SLC2A9: variants seen among roughly 807,000 people sequenced by gnomAD.
SLC2A9 encodes the protein solute carrier family 2 member 9.
SLC2A9 carries 39 observed loss-of-function variants against 50.6 expected under a neutral mutation model. That is an observed-to-expected ratio of 0.77 (90% CI 0.60 to 1.01). The LOEUF (loss-of-function observed/expected upper bound fraction) is 1.01, where lower values mean the gene tolerates loss of function less well. Ranked by LOEUF, SLC2A9 falls within the 50% of genes least tolerant of loss-of-function variation. The pLI is 0.00. For missense variants in SLC2A9, 686 were observed against 677.6 expected (o/e 1.01, Z -0.14); for synonymous variants, 324 against 276.9 (o/e 1.17, Z -1.69).
At chr4:10,022,939 A>C (rs115238706), upstream of SLC2A9, among the ~76,000 whole-genome samples, 562 of 152,332 alleles carry the variant, frequency 3.7e-3, 6 homozygotes, top group African/African-American at 0.012. Context: ...TGTGTTAATC[A>C]GTCAGGCATG....
downstream of SLC2A9, among the ~76,000 whole-genome samples, chr4:9,776,869 G>A (rs193207900): frequency 6.6e-6 from 1 of 152,206 alleles, no homozygotes; most frequent in Admixed American, 6.5e-5. Context: ...ATGGCAACAG[G>A]GCTCACCTCC....
intron 5 of SLC2A9, among the ~76,000 whole-genome samples, chr4:9,952,451 C>T (rs1273473638): frequency 6.6e-6 from 1 of 152,070 alleles, no homozygotes; most frequent in African/African-American, 2.4e-5. Context: ...GAGCAGGTGC[C>T]AGTGCCATGC....
At chr4:9,858,745 G>C (rs966663612) in intron 10 of SLC2A9, among the ~76,000 whole-genome samples, 1 of 152,200 alleles carries the variant, frequency 6.6e-6, no homozygotes, top group Admixed American at 6.5e-5. Flanking sequence ...TGGATTGAAG[G>C]ATGCAAAGTA....
At chr4:9,780,689 C>T (rs73805844) in intron 3 of SLC2A9, among the ~76,000 whole-genome samples, 9 of 152,224 alleles carry the variant, frequency 5.9e-5, no homozygotes, top group East Asian at 1.9e-4. Context: ...CTGAGCTTAA[C>T]GCCAGTAGAG....
chr4:9,772,786 C>G (rs1440524761), intron 1 of SLC2A9, among the ~76,000 whole-genome samples: 1 of 151,916 alleles, frequency 6.6e-6, no homozygotes, highest in Non-Finnish European at 1.5e-5. Context: ...GATATCTCTT[C>G]ATAGTAAGCA....
chr4:9,806,631 A>C (rs58693849), intron 3 of SLC2A9, among the ~76,000 whole-genome samples: 5,523 of 152,210 alleles, frequency 0.036, 346 homozygotes, highest in East Asian at 0.27. Flanking sequence ...TCAAGAGGGC[A>C]CTGGAGAAGG....
At chr4:9,807,327 T>G (rs1240442560) in intron 3 of SLC2A9, among the ~76,000 whole-genome samples, 1 of 152,178 alleles carries the variant, frequency 6.6e-6, no homozygotes, top group Non-Finnish European at 1.5e-5. Context: ...CTTTCTTCCT[T>G]GTTTATCTCA....
In SLC2A9 at chr4:9,783,120, A is replaced by G. The variant is rs754942134; in HGVS notation, n.386-3055T>C. The G allele has an allele frequency of 1.2e-5, 20 of 1,614,178 alleles. No homozygotes were observed. The South Asian group carries it at 1.5e-4, about 12-fold the overall frequency. On this transcript the variant is annotated intron_variant and non_coding_transcript_variant, in intron 3 of 3. Coordinates refer to the SLC2A9 transcript ENST00000503803. ...CCCGTCATCTATGCCTTCAACGCCG[A>G]CTTTCAGAAGGTGTTTGCCCAGCTG...
rs71181004 is a variant in SLC2A9, at chr4:9,955,494, CAAAAAAA to C, written c.682-13456_682-13450del. Among the ~76,000 whole-genome samples, 6 of 23,652 alleles carry C rather than the reference CAAAAAAA, an allele frequency of 2.5e-4. 1 individual carries two copies. Among genetic ancestry groups the C allele is most frequent in the Non-Finnish European group, 4.2e-4 (6 of 14,442 alleles). 15.5% of individuals were successfully genotyped at this position (23,652 alleles called of 152,430 possible). ...TGGGCCACAGAGCGAGACTCCGTCT[CAAAAAAA>C]AAAAAAAAAAAAAAAAAACTCCAAG... On this transcript the variant is annotated intron_variant, in intron 5 of 11. Coordinates refer to ENST00000264784, the MANE Select transcript of SLC2A9 (RefSeq NM_020041.3).
intron 5 of SLC2A9, among the ~76,000 whole-genome samples, chr4:9,962,625 T>C (rs547415532): frequency 6.6e-6 from 1 of 152,202 alleles, no homozygotes; most frequent in South Asian, 2.1e-4. Flanking sequence ...GCTTACTACT[T>C]ATGCAATGGG....
chr4:9,795,305 C>A (rs780958092), downstream of SLC2A9, among the ~76,000 whole-genome samples: 39 of 152,094 alleles, frequency 2.6e-4, no homozygotes, highest in African/African-American at 9.2e-4. Flanking sequence ...CCACTGTGCC[C>A]GGCTGCATTA....
At chr4:9,931,971 T>TATATATATAC (rs1746180150) in intron 6 of SLC2A9, among the ~76,000 whole-genome samples, 7 of 78,066 alleles carry the variant, frequency 9.0e-5, no homozygotes, top group Non-Finnish European at 9.8e-5. Flanking sequence ...TCTATATATA[T>TATATATATAC]ATATATATAT....
At chr4:10,039,859 A>G (rs1764225683) in intron 1 of SLC2A9, among the ~76,000 whole-genome samples, 2 of 152,294 alleles carry the variant, frequency 1.3e-5, no homozygotes, top group African/African-American at 4.8e-5. Context: ...TTAAGCCTTC[A>G]CTTAAAGAAA....
intron 8 of SLC2A9, among the ~76,000 whole-genome samples, chr4:9,902,064 A>G (rs1355703543): frequency 6.6e-6 from 1 of 152,046 alleles, no homozygotes; most frequent in Non-Finnish European, 1.5e-5. Flanking sequence ...CCTCTTTCCC[A>G]AAGGTTTTTC....
intron 10 of SLC2A9, among the ~76,000 whole-genome samples, chr4:9,841,371 C>T (rs1728061956): frequency 6.6e-6 from 1 of 152,008 alleles, no homozygotes. Context: ...TCTCTTCCTT[C>T]TTCTCTCCCT....
Position 10,011,857 on chromosome 4 carries a change from G to A in SLC2A9, c.249+7118C>T, listed in dbSNP as rs143903193. Among the ~76,000 whole-genome samples the A allele has an allele frequency of 5.3e-3, 811 of 152,330 alleles. 7 individuals carry two copies. The highest frequency in any genetic ancestry group is 0.02 in the Middle Eastern group (6 of 294). ...ATTTAGATGCTATGCAGCATAGGCT[G>A]TGGATTAATTATTCAGCCAGCCAGC... On this transcript the variant is annotated intron_variant, in intron 2 of 11. Transcript: ENST00000264784.
chr4:9,787,766 T>C (rs565818617), intron 3 of SLC2A9, among the ~76,000 whole-genome samples: 9 of 152,288 alleles, frequency 5.9e-5, no homozygotes, highest in Admixed American at 2.6e-4. Context: ...GGTTTTTTGG[T>C]GCTTTTCCAT....
chr4:9,901,087 AGCCTGAGTTT>A (rs1739527269), intron 8 of SLC2A9, among the ~76,000 whole-genome samples: 1 of 152,244 alleles, frequency 6.6e-6, no homozygotes, highest in Non-Finnish European at 1.5e-5. Context: ...AAAGCCATTT[AGCCTGAGTTT>A]TAACTTCTCA....
At position 9,826,320 on chromosome 4, in the gene SLC2A9, G is replaced by C. The variant is rs1476606209; in HGVS notation, c.*77C>G. 2 of 1,479,210 alleles carry C rather than the reference G, an allele frequency of 1.4e-6. No individual in the cohort carries two copies. The highest frequency in any genetic ancestry group is 1.9e-6 in the Non-Finnish European group (2 of 1,058,202). The allele number at this position is 1,479,210 out of a possible 1,614,324, so 91.6% of individuals were successfully genotyped here. ...CTTCCCAATAATGGGTAAATTTTAAGTTTCCTGAAAAGTGAGATCATCCAT... is the reference window on the plus strand; with the variant it reads ...CTTCCCAATAATGGGTAAATTTTAACTTTCCTGAAAAGTGAGATCATCCAT... On this transcript the variant is annotated 3_prime_UTR_variant, in exon 12 of 12. Transcript: ENST00000264784.
Sources: gnomAD v4.1 joint callset for allele counts (sites outside exome capture counted in the v4.1 genomes callset) on GRCh38, gnomAD v4.1.1 for gene constraint, MANE v1.5 for transcripts, NCBI Gene and HGNC (gene_info 2026-07-23, HGNC 2026-07-21) for gene names.